The following FHIT variants were observed in gnomAD, a reference collection of about 807,000 sequenced individuals.
FHIT encodes bis(5'-adenosyl)-triphosphatase.
Under a neutral mutation model 17.9 loss-of-function variants are expected in FHIT, and 19 were observed. The observed-to-expected ratio is 1.06, with a 90% confidence interval of 0.74 to 1.56. The LOEUF (loss-of-function observed/expected upper bound fraction) is 1.56, where lower values mean the gene tolerates loss of function less well. Among genes scored for constraint, FHIT ranks in the 40% most tolerant of loss-of-function variants. The pLI, the probability that FHIT is intolerant of heterozygous loss-of-function variation, is 0.00. For synonymous variants in FHIT, 81 were observed against 69.7 expected (o/e 1.16, Z -0.81); for missense variants, 248 against 189.2 (o/e 1.31, Z -1.82).
intron 2 of FHIT, among the ~76,000 whole-genome samples, chr3:61,161,377 A>AT (rs1324136154): frequency 6.6e-6 from 1 of 151,818 alleles, no homozygotes; most frequent in Non-Finnish European, 1.5e-5. Context: ...CATTTTTTGT[A>AT]TTTTTAGTAG....
At chr3:60,920,159 C>A (rs1372122894) in intron 3 of FHIT, among the ~76,000 whole-genome samples, 1 of 152,022 alleles carries the variant, frequency 6.6e-6, no homozygotes, top group Non-Finnish European at 1.5e-5. Context: ...TAACAGTATC[C>A]ACTATAAGGC....
chr3:60,777,192 G>C (rs1311887541), intron 4 of FHIT, among the ~76,000 whole-genome samples: 1 of 152,172 alleles, frequency 6.6e-6, no homozygotes, highest in Non-Finnish European at 1.5e-5. Flanking sequence ...CCACATATGA[G>C]TGACCATGGC....
intron 8 of FHIT, among the ~76,000 whole-genome samples, chr3:59,795,215 G>A (rs868184269): frequency 7.2e-5 from 11 of 151,928 alleles, no homozygotes; most frequent in South Asian, 2.1e-4. Context: ...GTGAAACCCC[G>A]TCTCTATTAA....
intron 2 of FHIT, among the ~76,000 whole-genome samples, chr3:61,170,238 C>A (rs2037963585): frequency 6.6e-6 from 1 of 152,136 alleles, no homozygotes; most frequent in Non-Finnish European, 1.5e-5. Flanking sequence ...ATAATTAAGT[C>A]ACCACAACCT....
chr3:61,036,186 T>C (rs1203842036), intron 3 of FHIT, among the ~76,000 whole-genome samples: 6 of 152,170 alleles, frequency 3.9e-5, no homozygotes, highest in East Asian at 1.9e-4. Flanking sequence ...GCACTTCACA[T>C]GGGGAAAGCA....
In FHIT at chr3:60,933,490, C is replaced by T. The variant is rs534836006; in HGVS notation, c.-111+108557G>A. Among the ~76,000 whole-genome samples the T allele has an allele frequency of 1.1e-4, 16 of 152,320 alleles. No individual in the cohort carries two copies. The South Asian group carries it at 3.3e-3, about 32-fold the overall frequency. The stretch of plus-strand genomic sequence containing the variant: ...CACTCAGAGCACATGTCAACTCAGT[C>T]TTGCTACATTTTAAAAGCTCAAGAG... On this transcript the variant is annotated intron_variant, in intron 3 of 9. Transcript: ENST00000492590.
At chr3:60,237,337 C>T (rs868445424) in intron 5 of FHIT, among the ~76,000 whole-genome samples, 1 of 144,142 alleles carries the variant, frequency 6.9e-6, no homozygotes, top group Non-Finnish European at 1.5e-5. Flanking sequence ...TTGAGAAATG[C>T]CCATATTTAC....
intron 2 of FHIT, among the ~76,000 whole-genome samples, chr3:61,187,141 T>C (rs1004734600): frequency 6.6e-6 from 1 of 152,158 alleles, no homozygotes; most frequent in Non-Finnish European, 1.5e-5. Context: ...TGTAGGTGAG[T>C]GCATATTCAT....
intron 3 of FHIT, among the ~76,000 whole-genome samples, chr3:61,041,321 G>A (rs2033503014): frequency 6.6e-6 from 1 of 151,742 alleles, no homozygotes; most frequent in African/African-American, 2.4e-5. Flanking sequence ...AAGTTGCGGT[G>A]AGCTGAGATC....
chr3:59,756,167 A>AAAG (rs1701207762), intron 8 of FHIT, among the ~76,000 whole-genome samples: 2 of 152,134 alleles, frequency 1.3e-5, no homozygotes, highest in African/African-American at 4.8e-5. Flanking sequence ...GAGTAAAAGT[A>AAAG]TTTTTCATCT....
intron 5 of FHIT, among the ~76,000 whole-genome samples, chr3:60,278,146 T>TA (rs994114099): frequency 6.6e-6 from 1 of 152,180 alleles, no homozygotes; most frequent in Non-Finnish European, 1.5e-5. Context: ...GCTTGAGAGT[T>TA]AAAAACTCTT....
chr3:61,005,849 A>C (rs555935220), intron 3 of FHIT, among the ~76,000 whole-genome samples: 104 of 152,268 alleles, frequency 6.8e-4, no homozygotes, highest in African/African-American at 2.4e-3. Flanking sequence ...GGTTAGTTCC[A>C]ACATGGCTGG....
intron 3 of FHIT, among the ~76,000 whole-genome samples, chr3:60,928,665 G>C (rs1335527122): frequency 6.6e-6 from 1 of 151,282 alleles, no homozygotes; most frequent in African/African-American, 2.4e-5. Context: ...GACTAAACCA[G>C]GAAGAAGTTG....
At chr3:59,861,301 G>T (rs900410730) in intron 8 of FHIT, among the ~76,000 whole-genome samples, 2 of 152,176 alleles carry the variant, frequency 1.3e-5, no homozygotes, top group Non-Finnish European at 2.9e-5. Flanking sequence ...TGATTGGGAG[G>T]CTGTGGAATA....
chr3:60,335,876 A>G (rs1710213767), intron 5 of FHIT, among the ~76,000 whole-genome samples: 1 of 151,288 alleles, frequency 6.6e-6, no homozygotes, highest in African/African-American at 2.5e-5. Context: ...CCAAGTTACC[A>G]CTAAGAAAAA....
At chr3:60,793,080 T>C (rs1700843110) in intron 4 of FHIT, among the ~76,000 whole-genome samples, 1 of 152,192 alleles carries the variant, frequency 6.6e-6, no homozygotes, top group South Asian at 2.1e-4. Flanking sequence ...GAATGTCCAG[T>C]GGAAGAAAGC....
At chr3:60,672,083 TA>T (rs1458615258) in intron 4 of FHIT, among the ~76,000 whole-genome samples, 1 of 152,236 alleles carries the variant, frequency 6.6e-6, no homozygotes, top group Non-Finnish European at 1.5e-5. Context: ...ATTGGCTTTC[TA>T]AAAATTATTT....
intron 5 of FHIT, among the ~76,000 whole-genome samples, chr3:60,131,889 G>A (rs2107269228): frequency 6.6e-6 from 1 of 152,146 alleles, no homozygotes; most frequent in South Asian, 2.1e-4. Context: ...ACTCCTCATT[G>A]CATCAGAAAT....
intron 5 of FHIT, among the ~76,000 whole-genome samples, chr3:60,072,341 A>G (rs777346685): frequency 1.3e-5 from 2 of 152,200 alleles, no homozygotes; most frequent in Non-Finnish European, 2.9e-5. Context: ...ACATCACGCA[A>G]GGTGTCCAGT....
Sources: gnomAD v4.1 joint callset for allele counts (sites outside exome capture counted in the v4.1 genomes callset) on GRCh38, gnomAD v4.1.1 for gene constraint, MANE v1.5 for transcripts, NCBI Gene and HGNC (gene_info 2026-07-23, HGNC 2026-07-21) for gene names.